The following ITGB1BP1 variants were observed in gnomAD, a reference collection of about 807,000 sequenced individuals.
The protein encoded by ITGB1BP1 is integrin subunit beta 1 binding protein 1.
ITGB1BP1 carries 20 observed loss-of-function variants against 28.0 expected under a neutral mutation model. The ratio of observed to expected loss-of-function variants is 0.71; its 90% CI spans 0.50 to 1.04. The LOEUF is 1.04. ITGB1BP1 is among the 50% of genes least tolerant of loss of function. ITGB1BP1 has a pLI of 0.00. For missense variants in ITGB1BP1, 228 were observed against 242.5 expected (o/e 0.94, Z 0.40); for synonymous variants, 103 against 89.5 (o/e 1.15, Z -0.85).
intron 1 of ITGB1BP1, chr2:9,422,560 T>G (rs1463144832): frequency 2.0e-6 from 2 of 985,386 alleles, no homozygotes; most frequent in Admixed American, 6.2e-5. Context: ...GTGTACCCCC[T>G]GATCACAGCG....
Position 9,415,922 on chromosome 2 carries a change from C to A in ITGB1BP1, c.73-1666G>T, listed in dbSNP as rs1254437139. On this transcript the variant is annotated intron_variant, in intron 2 of 6. Transcript: ENST00000355346. The surrounding 1 kb of genome is among the most constrained non-coding windows in gnomAD (Gnocchi z 4.1). Reference sequence around the variant, plus strand: ...CACATGTGGCACATGGGAGGCCCGGCAGGCACCCGGGATGAAAGGTCTAGG... The same window carrying A: ...CACATGTGGCACATGGGAGGCCCGGAAGGCACCCGGGATGAAAGGTCTAGG... 6.6e-6 allele frequency among the ~76,000 whole-genome samples: 1 copy of A among 152,220 alleles called. No homozygotes were observed. Among genetic ancestry groups the A allele is most frequent in the Non-Finnish European group, 1.5e-5 (1 of 68,042 alleles).
At position 9,414,390 on chromosome 2, in the gene ITGB1BP1, C is replaced by T. The variant is rs910327743; in HGVS notation, c.73-134G>A. 1.5e-5 allele frequency: 9 copies of T among 606,376 alleles called. 1 individual carries two copies. Among genetic ancestry groups the T allele is most frequent in the Middle Eastern group, 5.2e-4 (2 of 3,858 alleles). 37.6% of individuals were successfully genotyped at this position (606,376 alleles called of 1,614,324 possible). A position where few individuals can be genotyped will look rare whatever the true frequency, so the allele number is the denominator to read the frequency against. ...AACCATGTCAATTATTCAGGCATAT[C>T]GACTGTGCAGATTTTTCTTAAGACA... On this transcript the variant is annotated intron_variant, in intron 2 of 6. Coordinates refer to ENST00000355346, the MANE Select transcript of ITGB1BP1 (RefSeq NM_004763.5).
intron 2 of ITGB1BP1, among the ~76,000 whole-genome samples, 176 bp from the exon 3 acceptor site, chr2:9,414,432 TC>T (rs1678866086): frequency 6.6e-6 from 1 of 151,338 alleles, no homozygotes; most frequent in African/African-American, 2.4e-5. Flanking sequence ...GTAACAAACT[TC>T]AAAAAAAAAA....
At chr2:9,416,817 G>A (rs1679202570) in intron 2 of ITGB1BP1, among the ~76,000 whole-genome samples, 1 of 152,022 alleles carries the variant, frequency 6.6e-6, no homozygotes, top group South Asian at 2.1e-4. Flanking sequence ...TGTCTCAAAT[G>A]GTATCTGGCA....
intron 1 of ITGB1BP1, chr2:9,422,407 G>T (rs934536191): frequency 1.0e-6 from 1 of 985,536 alleles, no homozygotes; most frequent in Non-Finnish European, 1.2e-6. Context: ...TTCTCAGCGC[G>T]ATGCTCCACG....
At chr2:9,422,961 G>A (rs1680079490) in intron 1 of ITGB1BP1, 1 of 986,392 alleles carries the variant, frequency 1.0e-6, no homozygotes, top group Non-Finnish European at 1.2e-6. Flanking sequence ...CAGCCTGCTT[G>A]GCACCTGTCT....
chr2:9,418,565 C>G, intron 2 of ITGB1BP1, 61 bp downstream of exon 2: 1 of 1,103,268 alleles, frequency 9.1e-7, no homozygotes, highest in Non-Finnish European at 1.4e-6. Flanking sequence ...CATACAATAT[C>G]AGCTAGAAGA....
At position 9,423,521 on chromosome 2, in the gene ITGB1BP1, A is replaced by G. The variant is rs927528383; in HGVS notation, c.-184T>C. 2.8e-5 allele frequency: 34 copies of G among 1,193,430 alleles called. No homozygotes were observed. Among genetic ancestry groups the G allele is most frequent in the Non-Finnish European group, 3.5e-5 (32 of 923,030 alleles). The allele number at this position is 1,193,430 out of a possible 1,614,324, so 73.9% of individuals were successfully genotyped here. On this transcript the variant is annotated 5_prime_UTR_variant, in exon 1 of 7. Transcript: ENST00000355346. ...CCCACGTCCGCCGGGCCGCGCCTCC[A>G]AGACTATGCGCAGGCGCAGTCCTGA...
At chr2:9,420,582 A>G (rs1679692518) in intron 1 of ITGB1BP1, among the ~76,000 whole-genome samples, 2 of 152,206 alleles carry the variant, frequency 1.3e-5, no homozygotes, top group Admixed American at 1.3e-4. Flanking sequence ...TTTTTCTGAA[A>G]GAAGTGCGGG....
intron 1 of ITGB1BP1, chr2:9,422,555 C>T (rs896074543): frequency 8.1e-6 from 8 of 985,366 alleles, no homozygotes; most frequent in Non-Finnish European, 7.2e-6. Flanking sequence ...CTTGAGTGTA[C>T]CCCCTGATCA....
chr2:9,408,560 G>C (rs1244938878), intron 4 of ITGB1BP1, among the ~76,000 whole-genome samples: 1 of 152,070 alleles, frequency 6.6e-6, no homozygotes, highest in African/African-American at 2.4e-5. Flanking sequence ...GGCTGGTCTC[G>C]AACTCCTGAC....
Position 9,412,278 on chromosome 2 carries a change from G to A in ITGB1BP1, c.279C>T (p.Asp93=), listed in dbSNP as rs149077949. Residue 93 remains aspartate (D), a synonymous_variant, in exon 4 of 7, where the codon GAC becomes GAT. Transcript: ENST00000355346. ...AATTTTTTTTTTTTACCTGGGCAAC[G>A]TCTATATAATTTATCAGGTCTAATG... is the stretch of plus-strand genomic sequence containing the variant. ...EGPLDLINYI[D]VAQQDGKLPF... is the part of the protein sequence containing the mutation. 49 of 1,607,296 alleles carry A rather than the reference G, an allele frequency of 3.0e-5. No homozygotes were observed. The highest frequency in any genetic ancestry group is 2.1e-4 in the African/African-American group (16 of 74,506).
At chr2:9,418,066 T>C (rs1456188890) in intron 2 of ITGB1BP1, among the ~76,000 whole-genome samples, 2 of 152,178 alleles carry the variant, frequency 1.3e-5, no homozygotes, top group Non-Finnish European at 2.9e-5. Context: ...GTCAAAAACC[T>C]AGAACAAATA....
rs1572717410 is a variant in ITGB1BP1, at chr2:9,415,534, C to T, written c.73-1278G>A. 1.3e-5 allele frequency among the ~76,000 whole-genome samples: 2 copies of T among 151,804 alleles called. No individual in the cohort carries two copies. The highest frequency in any genetic ancestry group is 3.9e-4 in the East Asian group (2 of 5,168). ...GGCAGAGGTTGCAGTAAGCCGAGATCACACCACTGCACTCCAGCCTGGGCG... is the reference window on the plus strand; with the variant it reads ...GGCAGAGGTTGCAGTAAGCCGAGATTACACCACTGCACTCCAGCCTGGGCG... On this transcript the variant is annotated intron_variant, in intron 2 of 6. Transcript: ENST00000355346. This position sits in a 1 kb window ranked among gnomAD's most constrained non-coding sequence, Gnocchi z 4.1.
intron 1 of ITGB1BP1, 44 bp from the exon 2 acceptor site, chr2:9,418,776 C>CTTTTT: frequency 1.8e-5 from 17 of 951,988 alleles, no homozygotes; most frequent in Non-Finnish European, 2.6e-5. Flanking sequence ...GGAAAAGCAA[C>CTTTTT]TTTTTTTTTT....
intron 2 of ITGB1BP1, among the ~76,000 whole-genome samples, chr2:9,417,305 G>C (rs539342279): frequency 2.6e-5 from 4 of 151,726 alleles, no homozygotes; most frequent in Non-Finnish European, 5.9e-5. Context: ...CCTAAACTGC[G>C]ATCCTTCCAG....
In ITGB1BP1 at chr2:9,423,465, C is replaced by A; in HGVS notation, c.-128G>T. ...GCGCCCAGGCAGCTACTCCCGTTCCCGCTCCAGCGCCGGCTTTTCCAGCCC... is the reference window on the plus strand; with the variant it reads ...GCGCCCAGGCAGCTACTCCCGTTCCAGCTCCAGCGCCGGCTTTTCCAGCCC... On this transcript the variant is annotated 5_prime_UTR_variant, in exon 1 of 7. Coordinates refer to ENST00000355346, the MANE Select transcript of ITGB1BP1 (RefSeq NM_004763.5). 2 of 1,177,166 alleles carry A rather than the reference C, an allele frequency of 1.7e-6. No individual in the cohort carries two copies. The highest frequency in any genetic ancestry group is 1.9e-5 in the South Asian group (1 of 53,316). The allele number at this position is 1,177,166 out of a possible 1,614,324, so 72.9% of individuals were successfully genotyped here.
intron 6 of ITGB1BP1, 184 bp from the exon 7 acceptor site, chr2:9,407,089 T>C: frequency 1.6e-6 from 1 of 616,128 alleles, no homozygotes; most frequent in Non-Finnish European, 2.9e-6. Context: ...CTTTCTGCCC[T>C]CCTTCAGAGG....
At chr2:9,410,631 G>C (rs188192102) in intron 4 of ITGB1BP1, among the ~76,000 whole-genome samples, 2 of 152,260 alleles carry the variant, frequency 1.3e-5, no homozygotes, top group East Asian at 1.9e-4. Flanking sequence ...GTAGAGACAG[G>C]GTTTTGCCAT....
Sources: allele counts gnomAD v4.1 joint callset (sites outside exome capture counted in the v4.1 genomes callset), GRCh38; gene constraint gnomAD v4.1.1; non-coding constraint Gnocchi (gnomAD v3.1); transcripts MANE v1.5; gene names NCBI Gene and HGNC (gene_info 2026-07-23, HGNC 2026-07-21).